The following COPG2 variants were observed in gnomAD, a reference collection of about 807,000 sequenced individuals.
COPG2 encodes the protein coatomer subunit gamma-2.
Under a neutral mutation model 46.3 loss-of-function variants are expected in COPG2, and 37 were observed. The observed-to-expected ratio is 0.80, with a 90% CI of 0.61 to 1.05. The LOEUF is 1.05. Among genes scored for constraint, COPG2 ranks in the 50% least tolerant of loss-of-function variants. COPG2 has a pLI of 0.00. For synonymous variants in COPG2, 159 were observed against 129.7 expected (o/e 1.23, Z -1.53); for missense variants, 427 against 387.8 (o/e 1.10, Z -0.85).
intron 20 of COPG2, among the ~76,000 whole-genome samples, chr7:130,528,087 G>A (rs1799790752): frequency 6.6e-6 from 1 of 152,066 alleles, no homozygotes; most frequent in African/African-American, 2.4e-5. Flanking sequence ...GAGGCAGGAG[G>A]AGGGTGGGAC....
intron 20 of COPG2, chr7:130,510,321 C>T: frequency 2.1e-6 from 1 of 469,000 alleles, no homozygotes; most frequent in South Asian, 1.6e-5. Context: ...AAAAGAACGA[C>T]TGTGGTTTAA....
In COPG2 at chr7:130,548,229, A is replaced by AAAGTTACCCATC; in HGVS notation, c.1977+162_1977+173dup. Among the ~76,000 whole-genome samples, 7 of 152,370 alleles carry AAAGTTACCCATC rather than the reference A, an allele frequency of 4.6e-5. No individual in the cohort carries two copies. The South Asian group carries it at 1.4e-3, about 32-fold the overall frequency. The stretch of plus-strand genomic sequence containing the variant: ...TATGTCCTTTAGATTTTAACCATCA[A>AAAGTTACCCATC]AAGTTACCCATCACATGAAGGGATC... On this transcript the variant is annotated intron_variant, in intron 19 of 23. Coordinates refer to ENST00000425248, the MANE Select transcript of COPG2 (RefSeq NM_012133.6).
At chr7:130,544,749 G>A (rs957607331) in intron 20 of COPG2, among the ~76,000 whole-genome samples, 4,522 of 152,142 alleles carry the variant, frequency 0.03, 225 homozygotes, top group African/African-American at 0.1. Flanking sequence ...ATGCTTAGAA[G>A]GAATGTTGCC....
At chr7:130,602,188 A>T (rs564638253) in intron 9 of COPG2, among the ~76,000 whole-genome samples, 2 of 152,316 alleles carry the variant, frequency 1.3e-5, no homozygotes, top group East Asian at 3.9e-4. Flanking sequence ...GAGATAACAC[A>T]TACAGTTACA....
At chr7:130,509,948 G>A in intron 20 of COPG2, 1 of 471,358 alleles carries the variant, frequency 2.1e-6, no homozygotes. Flanking sequence ...GTACAAACAG[G>A]CAAAAGGAAA....
rs781907812 is a variant in COPG2, at chr7:130,668,621, C to T, written c.37+11G>A. On this transcript the variant is annotated intron_variant, in intron 1 of 23. Coordinates refer to ENST00000425248, the MANE Select transcript of COPG2 (RefSeq NM_012133.6). Reference sequence around the variant, plus strand: ...GCGGCTGAGGGTGGGCCTCGGAAGCCCCGCGCGTACCAGACTCCTCGTCCT... The same window carrying T: ...GCGGCTGAGGGTGGGCCTCGGAAGCTCCGCGCGTACCAGACTCCTCGTCCT... 1 of 1,529,818 alleles carries T rather than the reference C, an allele frequency of 6.5e-7. No individual in the cohort carries two copies. Among genetic ancestry groups the T allele is most frequent in the Admixed American group, 2.0e-5 (1 of 49,868 alleles). 94.8% of individuals were successfully genotyped at this position (1,529,818 alleles called of 1,614,324 possible). A position where few individuals can be genotyped will look rare whatever the true frequency, so the allele number is the denominator to read the frequency against.
chr7:130,563,655 G>A (rs1400679224), intron 10 of COPG2, among the ~76,000 whole-genome samples: 1 of 149,990 alleles, frequency 6.7e-6, no homozygotes, highest in Non-Finnish European at 1.5e-5. Flanking sequence ...TCGGGAGGCT[G>A]AGGCAGAAGC....
intron 9 of COPG2, among the ~76,000 whole-genome samples, chr7:130,584,244 T>C (rs571522529): frequency 5.3e-5 from 8 of 152,088 alleles, no homozygotes; most frequent in African/African-American, 1.9e-4. Context: ...GAAAAAGCAT[T>C]TGACAAAATC....
Position 130,506,532 on chromosome 7 carries a change from A to T in COPG2, c.*144T>A. Reference sequence around the variant, plus strand: ...ATGCGCAAAGATAGACATTTGCTTGATCTGCTGGCTCAGGGCCAAATGTTT... The same window carrying T: ...ATGCGCAAAGATAGACATTTGCTTGTTCTGCTGGCTCAGGGCCAAATGTTT... On this transcript the variant is annotated 3_prime_UTR_variant, in exon 24 of 24. Transcript: ENST00000425248. The T allele has an allele frequency of 2.1e-6, 1 of 476,538 alleles. No individual in the cohort carries two copies. 29.5% of individuals were successfully genotyped at this position (476,538 alleles called of 1,614,324 possible). A position where few individuals can be genotyped will look rare whatever the true frequency, so the allele number is the denominator to read the frequency against.
At position 130,506,542 on chromosome 7, in the gene COPG2, T is replaced by A; in HGVS notation, c.*134A>T. ...ATAGACATTTGCTTGATCTGCTGGC[T>A]CAGGGCCAAATGTTTAATTTGCTTC... On this transcript the variant is annotated 3_prime_UTR_variant, in exon 24 of 24. Coordinates refer to ENST00000425248, the MANE Select transcript of COPG2 (RefSeq NM_012133.6). The A allele has an allele frequency of 2.0e-6, 1 of 490,404 alleles. No individual in the cohort carries two copies. Among genetic ancestry groups the A allele is most frequent in the Non-Finnish European group, 3.6e-6 (1 of 276,422 alleles). 30.4% of individuals were successfully genotyped at this position (490,404 alleles called of 1,614,324 possible).
chr7:130,552,242 A>G, intron 15 of COPG2, 113 bp downstream of exon 15: 1 of 394,288 alleles, frequency 2.5e-6, no homozygotes, highest in Non-Finnish European at 4.5e-6. Flanking sequence ...ACTTGCTCCA[A>G]TAACTCTACT....
intron 20 of COPG2, among the ~76,000 whole-genome samples, chr7:130,523,155 G>A (rs1000746185): frequency 6.7e-6 from 1 of 148,850 alleles, no homozygotes; most frequent in Non-Finnish European, 1.5e-5. Context: ...GGCCTCAAAC[G>A]GGAGACTGAA....
chr7:130,581,571 A>T (rs1212539526), intron 9 of COPG2, among the ~76,000 whole-genome samples: 2 of 137,536 alleles, frequency 1.5e-5, no homozygotes, highest in Admixed American at 1.5e-4. Context: ...CTGTTTGCAG[A>T]TGACATGATT....
At chr7:130,551,489 A>C (rs1289750537) in intron 15 of COPG2, 145 bp from the exon 16 acceptor site, 1 of 390,158 alleles carries the variant, frequency 2.6e-6, no homozygotes, top group African/African-American at 2.1e-5. Context: ...GTGGCTCCTA[A>C]AGTCTTCACA....
intron 4 of COPG2, among the ~76,000 whole-genome samples, chr7:130,653,968 G>GA (rs145816196): frequency 4.7e-5 from 7 of 150,284 alleles, no homozygotes; most frequent in South Asian, 2.1e-4. Flanking sequence ...CCAATTTAAA[G>GA]AAAAAAAAAG....
chr7:130,527,099 A>G (rs1799781987), intron 20 of COPG2, among the ~76,000 whole-genome samples: 1 of 150,350 alleles, frequency 6.7e-6, no homozygotes, highest in Non-Finnish European at 1.5e-5. Context: ...GGTAGGGTGG[A>G]AGTTCAAAGT....
intron 20 of COPG2, among the ~76,000 whole-genome samples, chr7:130,520,424 A>G (rs1799714787): frequency 6.6e-6 from 1 of 152,244 alleles, no homozygotes; most frequent in African/African-American, 2.4e-5. Flanking sequence ...AACAGCAAAT[A>G]TTATTGAGAC....
chr7:130,551,972 T>C (rs1050987144), intron 15 of COPG2, among the ~76,000 whole-genome samples: 53 of 152,328 alleles, frequency 3.5e-4, no homozygotes, highest in African/African-American at 1.2e-3. Flanking sequence ...TAAGTCACTT[T>C]CTCAAAATCA....
At chr7:130,605,818 A>C (rs1375531926) in intron 9 of COPG2, 1 of 517,850 alleles carries the variant, frequency 1.9e-6, no homozygotes, top group Non-Finnish European at 3.9e-6. Flanking sequence ...CAGACTTCTA[A>C]TCTACAGATC....
Sources: allele counts gnomAD v4.1 joint callset (sites outside exome capture counted in the v4.1 genomes callset), GRCh38; gene constraint gnomAD v4.1.1; transcripts MANE v1.5; gene names NCBI Gene and HGNC (gene_info 2026-07-23, HGNC 2026-07-21).